The following ANO6 variants were observed in gnomAD, a reference collection of about 807,000 sequenced individuals.
The protein encoded by ANO6 is anoctamin-6.
ANO6 carries 106 observed loss-of-function variants against 117.5 expected under a neutral mutation model. The ratio of observed to expected loss-of-function variants is 0.90; its 90% CI spans 0.77 to 1.06. The LOEUF (loss-of-function observed/expected upper bound fraction) is 1.06, where lower values mean the gene tolerates loss of function less well. ANO6 is among the 50% of genes least tolerant of loss of function. The probability of loss-of-function intolerance (pLI) is 0.00; values close to 1 mark genes in which losing one functional copy is unlikely to be tolerated. For missense variants in ANO6, 955 were observed against 1,121.1 expected, an observed-to-expected ratio of 0.85 and a Z score of 2.12; for synonymous variants, 367 against 385.1, an observed-to-expected ratio of 0.95 and a Z score of 0.55.
At chr12:45,373,127 A>G (rs941440184) in intron 9 of ANO6, among the ~76,000 whole-genome samples, 2 of 152,156 alleles carry the variant, frequency 1.3e-5, no homozygotes, top group Admixed American at 1.3e-4. Flanking sequence ...GCCATTACAT[A>G]ATGGTAAAGG....
chr12:45,240,186 G>C (rs1947715989), intron 1 of ANO6, among the ~76,000 whole-genome samples: 1 of 151,924 alleles, frequency 6.6e-6, no homozygotes, highest in African/African-American at 2.4e-5. Flanking sequence ...CCAAGGACTT[G>C]CTTTATGAAT....
At chr12:45,222,729 A>G (rs1346220057) in intron 1 of ANO6, among the ~76,000 whole-genome samples, 1 of 152,174 alleles carries the variant, frequency 6.6e-6, no homozygotes, top group Non-Finnish European at 1.5e-5. Context: ...AGAACTGCCC[A>G]TAAAGAAATT....
intron 2 of ANO6, among the ~76,000 whole-genome samples, chr12:45,318,946 G>A (rs1940152546): frequency 7.2e-5 from 11 of 152,158 alleles, no homozygotes; most frequent in Admixed American, 7.2e-4. Flanking sequence ...GAATGCTTGT[G>A]ATTTTTGTAC....
chr12:45,273,739 T>G (rs1225930184), intron 1 of ANO6, among the ~76,000 whole-genome samples: 1 of 152,234 alleles, frequency 6.6e-6, no homozygotes, highest in Non-Finnish European at 1.5e-5. Context: ...CATTTCTATT[T>G]CACAGGCACA....
At chr12:45,226,533 C>T (rs1490828182) in intron 1 of ANO6, among the ~76,000 whole-genome samples, 2 of 151,900 alleles carry the variant, frequency 1.3e-5, no homozygotes, top group African/African-American at 2.4e-5. Flanking sequence ...TGTTCTTTTA[C>T]AGAGTACAAT....
chr12:45,404,622 G>A (rs988083052), intron 15 of ANO6, among the ~76,000 whole-genome samples: 1 of 151,828 alleles, frequency 6.6e-6, no homozygotes, highest in African/African-American at 2.4e-5. Flanking sequence ...AGCCAGCAAA[G>A]TTTCGTGTTT....
intron 8 of ANO6, among the ~76,000 whole-genome samples, chr12:45,359,138 A>T (rs1941489568): frequency 6.6e-6 from 1 of 152,218 alleles, no homozygotes; most frequent in African/African-American, 2.4e-5. Flanking sequence ...TATATACCAT[A>T]AAATGACCTT....
rs1455205964 is a variant in ANO6 at position 45,432,137 on chromosome 12, A to ATGTT, written c.*2829_*2832dup. The ATGTT allele has an allele frequency of 7.1e-6, 7 of 985,372 alleles. No homozygotes were observed. In the East Asian group the frequency reaches 3.4e-4, roughly 48 times the overall value. The allele number at this position is 985,372 out of a possible 1,614,324, so 61.0% of individuals were successfully genotyped here. The stretch of plus-strand genomic sequence containing the variant: ...TCTTGTACCATTTTATGTTCATATT[A>ATGTT]TGTTTGAGAGGGTAAAAATGTATGA... On this transcript the variant is annotated 3_prime_UTR_variant, in exon 20 of 20. Transcript: ENST00000320560.
chr12:45,335,563 GA>G (rs1314237882), intron 3 of ANO6: 1 of 152,004 alleles, frequency 6.6e-6, no homozygotes. Context: ...TTTGAGTGCT[GA>G]CTTGACGTTC....
At chr12:45,363,838 A>G (rs1219854332) in intron 8 of ANO6, among the ~76,000 whole-genome samples, 1 of 152,212 alleles carries the variant, frequency 6.6e-6, no homozygotes, top group African/African-American at 2.4e-5. Context: ...GCCTCCATAT[A>G]AGACATGCCT....
intron 1 of ANO6, among the ~76,000 whole-genome samples, chr12:45,295,500 G>A (rs1198186090): frequency 4.6e-5 from 7 of 152,188 alleles, no homozygotes; most frequent in Non-Finnish European, 8.8e-5. Flanking sequence ...AGCATGAAGC[G>A]ACGGGAAATG....
intron 12 of ANO6, among the ~76,000 whole-genome samples, chr12:45,394,090 TGAG>T (rs1224611470): frequency 6.6e-6 from 1 of 152,126 alleles, no homozygotes; most frequent in Admixed American, 6.5e-5. Flanking sequence ...TGTGCTGAAT[TGAG>T]GAGACCCATC....
At chr12:45,352,557 T>C (rs1941305361) in intron 7 of ANO6, among the ~76,000 whole-genome samples, 1 of 94,712 alleles carries the variant, frequency 1.1e-5, no homozygotes, top group East Asian at 3.6e-4. Flanking sequence ...TGAGATCCAG[T>C]CTTAAAAAAA....
intron 2 of ANO6, among the ~76,000 whole-genome samples, chr12:45,325,833 T>C (rs1295110115): frequency 6.6e-6 from 1 of 152,146 alleles, no homozygotes; most frequent in African/African-American, 2.4e-5. Flanking sequence ...TATAACTCTG[T>C]GGGTTTACGA....
In ANO6 at chr12:45,347,008, A is replaced by C. The variant is rs1941151181; in HGVS notation, c.280-14A>C. 1 of 1,613,738 alleles carries C rather than the reference A, an allele frequency of 6.2e-7. No homozygotes were observed. Among genetic ancestry groups the C allele is most frequent in the Non-Finnish European group, 8.5e-7 (1 of 1,179,746 alleles). On this transcript the variant is annotated splice_polypyrimidine_tract_variant and intron_variant, in intron 3 of 19. Transcript: ENST00000320560. The stretch of plus-strand genomic sequence containing the variant: ...AACTAAAGGTCTAACATATATTCCA[A>C]CTTCTTTTGACAGAGGAAAAGACAA...
chr12:45,408,590 C>A (rs1016525752), intron 15 of ANO6, among the ~76,000 whole-genome samples: 1 of 152,118 alleles, frequency 6.6e-6, no homozygotes. Flanking sequence ...CTGGAGGAGG[C>A]GTTTCACTCC....
At chr12:45,235,961 G>A (rs1048283533) in intron 1 of ANO6, among the ~76,000 whole-genome samples, 6 of 152,116 alleles carry the variant, frequency 3.9e-5, no homozygotes, top group East Asian at 3.9e-4. Context: ...TGCCCCTTCC[G>A]GGATCCTGGC....
intron 2 of ANO6, among the ~76,000 whole-genome samples, chr12:45,323,935 A>T (rs796617105): frequency 1.7e-3 from 184 of 108,078 alleles, no homozygotes; most frequent in Middle Eastern, 0.013. Context: ...TTGTTGTTGT[A>T]TTTTTTTTTT....
intron 2 of ANO6, among the ~76,000 whole-genome samples, chr12:45,317,321 T>G (rs1475986217): frequency 8.7e-6 from 1 of 115,266 alleles, no homozygotes; most frequent in African/African-American, 3.2e-5. Context: ...CCTTCCTGTG[T>G]CCAGGTGTTC....
Sources: allele counts gnomAD v4.1 joint callset (sites outside exome capture counted in the v4.1 genomes callset), GRCh38; gene constraint gnomAD v4.1.1; transcripts MANE v1.5; gene names NCBI Gene and HGNC (gene_info 2026-07-23, HGNC 2026-07-21).